ADAMTS17: variants seen among roughly 807,000 people sequenced by gnomAD.
ADAMTS17 encodes ADAM metallopeptidase with thrombospondin type 1 motif 17.
In ADAMTS17, 113 loss-of-function variants were observed where a neutral mutation model predicts 141.5. That is an observed-to-expected ratio of 0.80 (90% CI 0.69 to 0.93). The LOEUF (loss-of-function observed/expected upper bound fraction) is 0.93. Among genes scored for constraint, ADAMTS17 ranks in the 40% least tolerant of loss-of-function variants. ADAMTS17 has a pLI of 0.00. For synonymous variants in ADAMTS17, 768 were observed against 630.6 expected (o/e 1.22, Z -3.27); for missense variants, 1,659 against 1,517.9 (o/e 1.09, Z -1.54).
intron 8 of ADAMTS17, among the ~76,000 whole-genome samples, chr15:100,194,341 C>T (rs181385843): frequency 7.3e-4 from 111 of 152,314 alleles, no homozygotes; most frequent in African/African-American, 2.6e-3. Context: ...AGGCACCTCC[C>T]CTGGACCTAG....
At position 100,154,362 on chromosome 15, in the gene ADAMTS17, C is replaced by T. The variant is rs145909605; in HGVS notation, c.1322+818G>A. ...CTGGTTTACCACTGAACAATTTCCC[C>T]ATGAACAAGGAACGTCATGAAAAAA... On this transcript the variant is annotated intron_variant, in intron 9 of 21. Transcript: ENST00000268070. Among the ~76,000 whole-genome samples, 383 of 152,278 alleles carry T rather than the reference C, an allele frequency of 2.5e-3. 2 individuals carry two copies. The highest frequency in any genetic ancestry group is 8.3e-3 in the African/African-American group (346 of 41,558).
At chr15:100,245,753 A>G (rs994996375) in intron 7 of ADAMTS17, among the ~76,000 whole-genome samples, 1 of 152,202 alleles carries the variant, frequency 6.6e-6, no homozygotes, top group Non-Finnish European at 1.5e-5. Context: ...GAAGGATCTA[A>G]CAAGCGCTGG....
In ADAMTS17 at chr15:100,272,142, G is replaced by A. The variant is rs111688649; in HGVS notation, c.789+9087C>T. On this transcript the variant is annotated intron_variant, in intron 4 of 21. Transcript: ENST00000268070. ...AGTAAATTTTGAAATGAGGAAGTGT[G>A]AGTCTTACTGTGTTCTTTTGTTCAA... Among the ~76,000 whole-genome samples the A allele has an allele frequency of 3.5e-3, 531 of 152,284 alleles. 1 individual carries two copies. Among genetic ancestry groups the A allele is most frequent in the African/African-American group, 0.012 (485 of 41,578 alleles).
chr15:100,338,882 T>C (rs1314561234), intron 2 of ADAMTS17: 1 of 930,640 alleles, frequency 1.1e-6, no homozygotes, highest in Non-Finnish European at 1.3e-6. Flanking sequence ...AATGCAAACT[T>C]GGTTAGCCCA....
chr15:100,045,694 T>C (rs2031629934), intron 18 of ADAMTS17, among the ~76,000 whole-genome samples: 2 of 152,186 alleles, frequency 1.3e-5, no homozygotes, highest in African/African-American at 4.8e-5. Flanking sequence ...TGGGTTTCCC[T>C]GAATATTCTC....
rs1196292435 is a variant in ADAMTS17, at chr15:100,278,673, G to A, written c.789+2556C>T. Reference sequence around the variant, plus strand: ...TTTCCTGCAGAGAGAGGCATGTCCCGAAAGCCAGTCCTGGAAAGTCTTCAA... The same window carrying A: ...TTTCCTGCAGAGAGAGGCATGTCCCAAAAGCCAGTCCTGGAAAGTCTTCAA... On this transcript the variant is annotated intron_variant, in intron 4 of 21. Coordinates refer to ENST00000268070, the MANE Select transcript of ADAMTS17 (RefSeq NM_139057.4). Among the ~76,000 whole-genome samples the A allele has an allele frequency of 6.6e-5, 10 of 152,304 alleles. No homozygotes were observed. The East Asian group carries it at 9.6e-4, about 15-fold the overall frequency.
chr15:100,151,902 G>A (rs1404547633), intron 10 of ADAMTS17, among the ~76,000 whole-genome samples: 1 of 152,214 alleles, frequency 6.6e-6, no homozygotes, highest in Non-Finnish European at 1.5e-5. Flanking sequence ...GTGAAAACGT[G>A]TGCAATCAGG....
chr15:100,060,112 C>G (rs1474272844), intron 15 of ADAMTS17, among the ~76,000 whole-genome samples: 2 of 152,196 alleles, frequency 1.3e-5, no homozygotes, highest in East Asian at 1.9e-4. Flanking sequence ...AGGGGACTCC[C>G]CCAGTGATTT....
At chr15:100,113,865 G>A (rs1025136087) in intron 13 of ADAMTS17, among the ~76,000 whole-genome samples, 2 of 152,230 alleles carry the variant, frequency 1.3e-5, no homozygotes, top group African/African-American at 4.8e-5. Context: ...GGAACGCACA[G>A]CCACGTCCAG....
intron 8 of ADAMTS17, among the ~76,000 whole-genome samples, chr15:100,185,012 C>T (rs1252199132): frequency 6.6e-6 from 1 of 152,202 alleles, no homozygotes; most frequent in African/African-American, 2.4e-5. Flanking sequence ...TTTTCCTGGG[C>T]CAAGAGCGCC....
chr15:100,137,736 G>C (rs2418483), intron 10 of ADAMTS17, among the ~76,000 whole-genome samples: 142,469 of 152,326 alleles, frequency 0.94, 67,330 homozygotes, highest in East Asian at 1. Context: ...CTACTGTATA[G>C]CAATGTGTGA....
intron 7 of ADAMTS17, among the ~76,000 whole-genome samples, chr15:100,228,223 T>C (rs112719047): frequency 4.9e-4 from 74 of 152,368 alleles, no homozygotes; most frequent in African/African-American, 1.8e-3. Context: ...CTAGCCTTGA[T>C]GTTACCATCT....
chr15:99,982,707 T>C (rs1376155790), intron 20 of ADAMTS17, among the ~76,000 whole-genome samples: 1 of 152,238 alleles, frequency 6.6e-6, no homozygotes, highest in Admixed American at 6.5e-5. Context: ...AAGGGGCTCA[T>C]CACATCCAAT....
intron 6 of ADAMTS17, among the ~76,000 whole-genome samples, chr15:100,257,741 A>AT (rs1207900476): frequency 6.6e-6 from 1 of 152,176 alleles, no homozygotes; most frequent in Non-Finnish European, 1.5e-5. Context: ...TTTACTACTA[A>AT]TTTTTTTATT....
intron 8 of ADAMTS17, among the ~76,000 whole-genome samples, chr15:100,160,922 A>G (rs1367032850): frequency 6.6e-6 from 1 of 152,222 alleles, no homozygotes; most frequent in African/African-American, 2.4e-5. Context: ...TAAATTAAAG[A>G]TTACTTTGAC....
chr15:100,258,832 G>C (rs144578593), intron 6 of ADAMTS17, among the ~76,000 whole-genome samples: 1 of 151,950 alleles, frequency 6.6e-6, no homozygotes, highest in East Asian at 1.9e-4. Context: ...AAAATGAAAA[G>C]AAAGTCTAAC....
chr15:99,982,573 T>C (rs569983501), intron 20 of ADAMTS17, among the ~76,000 whole-genome samples: 2 of 152,336 alleles, frequency 1.3e-5, no homozygotes, highest in African/African-American at 4.8e-5. Flanking sequence ...GTGAGGAGAC[T>C]GTAGTGTCTC....
At chr15:100,243,998 C>T (rs2042910798) in intron 7 of ADAMTS17, among the ~76,000 whole-genome samples, 1 of 151,894 alleles carries the variant, frequency 6.6e-6, no homozygotes, top group Admixed American at 6.6e-5. Flanking sequence ...AAAGACATAC[C>T]AGAGTCTGGG....
rs143606028 is a variant in ADAMTS17 at position 100,153,249 on chromosome 15, A to G, written c.1323-487T>C. On this transcript the variant is annotated intron_variant, in intron 9 of 21. Coordinates refer to ENST00000268070, the MANE Select transcript of ADAMTS17 (RefSeq NM_139057.4). ...TGGGACCTCGGTGTCTCACTTGACCACGCTATCCCTGAAAGCCACTGGCAA... is the reference window on the plus strand; with the variant it reads ...TGGGACCTCGGTGTCTCACTTGACCGCGCTATCCCTGAAAGCCACTGGCAA... Among the ~76,000 whole-genome samples, 553 of 152,252 alleles carry G rather than the reference A, an allele frequency of 3.6e-3. 10 individuals carry two copies. Among genetic ancestry groups the G allele is most frequent in the African/African-American group, 0.013 (532 of 41,542 alleles).
Sources: allele counts gnomAD v4.1 joint callset (sites outside exome capture counted in the v4.1 genomes callset), GRCh38; gene constraint gnomAD v4.1.1; transcripts MANE v1.5; gene names NCBI Gene and HGNC (gene_info 2026-07-23, HGNC 2026-07-21).